The following KCNS2 variants were observed in gnomAD, a reference collection of about 807,000 sequenced individuals.
The protein encoded by KCNS2 is delayed-rectifier potassium channel regulatory subunit KCNS2.
In KCNS2, 15 loss-of-function variants were observed where a neutral mutation model predicts 28.3. The ratio of observed to expected loss-of-function variants is 0.53; its 90% CI spans 0.35 to 0.82. The LOEUF is 0.82. Ranked by LOEUF, KCNS2 falls within the 40% of genes least tolerant of loss-of-function variation. The pLI is 0.01. For missense variants in KCNS2, 501 were observed against 617.1 expected (o/e 0.81, Z 1.99); for synonymous variants, 254 against 256.7 (o/e 0.99, Z 0.10).
rs1446626082 is a variant in KCNS2 at position 98,432,451 on chromosome 8, A to G, written c.*3038A>G. 3 of 167,070 alleles carry G rather than the reference A, an allele frequency of 1.8e-5. No individual in the cohort carries two copies. Among genetic ancestry groups the G allele is most frequent in the Non-Finnish European group, 4.4e-5 (3 of 68,118 alleles). 10.3% of individuals were successfully genotyped at this position (167,070 alleles called of 1,614,324 possible). Reference sequence around the variant, plus strand: ...TCTGTTGCACAAATGCATATTGGTTATAGGTTTGTGTTTTCTGCCAAACCC... The same window carrying G: ...TCTGTTGCACAAATGCATATTGGTTGTAGGTTTGTGTTTTCTGCCAAACCC... On this transcript the variant is annotated 3_prime_UTR_variant, in exon 2 of 2. Coordinates refer to ENST00000287042, the MANE Select transcript of KCNS2 (RefSeq NM_020697.4).
intron 1 of KCNS2, 43 bp from the exon 2 acceptor site, chr8:98,427,895 G>C: frequency 1.6e-6 from 2 of 1,228,616 alleles, no homozygotes; most frequent in Non-Finnish European, 2.2e-6. Context: ...GGCCCCGCCA[G>C]GGCGCACGGC....
Position 98,428,157 on chromosome 8 carries a change from G to A in KCNS2, c.178G>A (p.Asp60Asn). The A allele has an allele frequency of 3.1e-6, 5 of 1,614,058 alleles. No individual in the cohort carries two copies. Among genetic ancestry groups the A allele is most frequent in the Non-Finnish European group, 4.2e-6 (5 of 1,180,020 alleles). ...HSREAILELCDDYDDVQREFY... is the reference protein window; with the variant it reads ...HSREAILELCNDYDDVQREFY... ...GCGCGAGGCCATTCTGGAGCTCTGC[G>A]ATGACTACGACGACGTCCAGCGGGA... The change falls in exon 2 of 2, where the codon GAT becomes AAT. Residue 60 changes from aspartate (D) to asparagine (N), a missense_variant. Physicochemically the swap from Asp to Asn is conservative, Grantham distance 23 (BLOSUM62 1). Coordinates refer to ENST00000287042, the MANE Select transcript of KCNS2 (RefSeq NM_020697.4). The surrounding 1 kb of genome is among the most constrained non-coding windows in gnomAD (Gnocchi z 6.7).
At chr8:98,427,823 G>A (rs1437078792) in intron 1 of KCNS2, 115 bp from the exon 2 acceptor site, 2 of 615,346 alleles carry the variant, frequency 3.3e-6, no homozygotes, top group Non-Finnish European at 5.7e-6. Flanking sequence ...CCCCAGCCCA[G>A]CCCTTCAGCA....
Position 98,427,207 on chromosome 8 carries a change from G to C in KCNS2, c.-165G>C, listed in dbSNP as rs1586556817. 6.6e-6 allele frequency: 1 copy of C among 150,548 alleles called. No homozygotes were observed. The highest frequency in any genetic ancestry group is 2.4e-5 in the African/African-American group (1 of 41,224). The allele number at this position is 150,548 out of a possible 1,614,324, so 9.3% of individuals were successfully genotyped here. A position where few individuals can be genotyped will look rare whatever the true frequency, so the allele number is the denominator to read the frequency against. Reference sequence around the variant, plus strand: ...CTCGGCGGCCCCCGCCCGCCGGCCCGCCGGGCGCACACACTCGCACCCGCG... The same window carrying C: ...CTCGGCGGCCCCCGCCCGCCGGCCCCCCGGGCGCACACACTCGCACCCGCG... On this transcript the variant is annotated 5_prime_UTR_variant, in exon 1 of 2. Coordinates refer to ENST00000287042, the MANE Select transcript of KCNS2 (RefSeq NM_020697.4).
Position 98,429,300 on chromosome 8 carries a change from T to G in KCNS2, c.1321T>G (p.Ser441Ala). The change falls in exon 2 of 2, where the codon TCG becomes GCG. Residue 441 changes from serine to alanine, a missense_variant. Physicochemically the swap from Ser to Ala is moderately conservative, Grantham distance 99. Coordinates refer to ENST00000287042, the MANE Select transcript of KCNS2 (RefSeq NM_020697.4). ...TGGAGATGGAATGAAGGAGGTCCCT[T>G]CGGTCAATTTAAGGGACTATTATGC... ...DFGDGMKEVP[S>A]VNLRDYYAHK... is the part of the protein sequence containing the mutation. 6.2e-7 allele frequency: 1 copy of G among 1,614,152 alleles called. No homozygotes were observed. Among genetic ancestry groups the G allele is most frequent in the Non-Finnish European group, 8.5e-7 (1 of 1,180,034 alleles).
At chr8:98,427,819 C>T (rs918437921) in intron 1 of KCNS2, 119 bp from the exon 2 acceptor site, 11 of 610,904 alleles carry the variant, frequency 1.8e-5, no homozygotes, top group Non-Finnish European at 2.9e-5. Context: ...CTTGCCCCAG[C>T]CCAGCCCTTC....
chr8:98,428,370 G>A lies in KCNS2; in HGVS notation c.391G>A (p.Glu131Lys), dbSNP rs376045564. 2.7e-5 allele frequency: 44 copies of A among 1,614,188 alleles called. No homozygotes were observed. Among genetic ancestry groups the A allele is most frequent in the African/African-American group, 4.0e-5 (3 of 75,058 alleles). ...CTACCATGGCCGCAAAGTAGAGCCC[G>A]AGCAGGAGAAGTGGGACGAGCAGAG... ...YSYHGRKVEP[E>K]QEKWDEQSDQ... Residue 131 changes from glutamate to lysine, a missense_variant, in exon 2 of 2, where the codon GAG becomes AAG. Physicochemically the swap from Glu to Lys is moderately conservative, Grantham distance 56. Transcript: ENST00000287042. This position sits in a 1 kb window ranked among gnomAD's most constrained non-coding sequence, Gnocchi z 6.7.
rs1818297530 is a variant in KCNS2, at chr8:98,429,471, C to A, written c.*58C>A. 1 of 1,274,580 alleles carries A rather than the reference C, an allele frequency of 7.8e-7. No individual in the cohort carries two copies. Among genetic ancestry groups the A allele is most frequent in the Non-Finnish European group, 1.1e-6 (1 of 891,872 alleles). 79.0% of individuals were successfully genotyped at this position (1,274,580 alleles called of 1,614,324 possible). On this transcript the variant is annotated 3_prime_UTR_variant, in exon 2 of 2. Coordinates refer to ENST00000287042, the MANE Select transcript of KCNS2 (RefSeq NM_020697.4). ...GCTGAGCTGCCTCTTGTGCCTCTGG[C>A]ACAGCCCAGGCACCTTATGGTTATG...
chr8:98,429,062 C>T lies in KCNS2; in HGVS notation c.1083C>T (p.Ile361=). The change falls in exon 2 of 2, where the codon ATC becomes ATT. Residue 361 remains isoleucine, a synonymous_variant. Coordinates refer to ENST00000287042, the MANE Select transcript of KCNS2 (RefSeq NM_020697.4). The part of the protein sequence containing the change: ...EKEENEGLAT[I]PACWWWATVS... ...AGGAGAACGAGGGCCTGGCCACCATCCCTGCCTGCTGGTGGTGGGCTACCG... is the reference window on the plus strand; with the variant it reads ...AGGAGAACGAGGGCCTGGCCACCATTCCTGCCTGCTGGTGGTGGGCTACCG... 1.9e-5 allele frequency: 31 copies of T among 1,613,248 alleles called. No individual in the cohort carries two copies. Among genetic ancestry groups the T allele is most frequent in the Non-Finnish European group, 2.6e-5 (31 of 1,179,306 alleles).
In KCNS2 at chr8:98,428,350, A is replaced by G. The variant is rs772878262; in HGVS notation, c.371A>G (p.His124Arg). The G allele has an allele frequency of 2.5e-6, 4 of 1,614,150 alleles. No homozygotes were observed. Among genetic ancestry groups the G allele is most frequent in the Non-Finnish European group, 2.5e-6 (3 of 1,180,020 alleles). The change falls in exon 2 of 2, where the codon CAT becomes CGT. Residue 124 changes from histidine to arginine, a missense_variant. Physicochemically the swap from His to Arg is conservative, Grantham distance 29. Transcript: ENST00000287042. The surrounding 1 kb of genome is among the most constrained non-coding windows in gnomAD (Gnocchi z 6.7). Reference protein sequence around the residue: ...FIDSCCSYSYHGRKVEPEQEK... With the variant: ...FIDSCCSYSYRGRKVEPEQEK... ...GACTCCTGCTGCAGCTACAGCTACC[A>G]TGGCCGCAAAGTAGAGCCCGAGCAG...
chr8:98,428,741 G>T lies in KCNS2; in HGVS notation c.762G>T (p.Lys254Asn). ...TTGCTGTGGCCCCTGACTTCCTCAA[G>T]TTCTTCAAGAATGCCCTAAACCTTA... ...ARFAVAPDFL[K>N]FFKNALNLID... The change falls in exon 2 of 2, where the codon AAG becomes AAT. Residue 254 changes from lysine (K) to asparagine (N), a missense_variant. Physicochemically the swap from Lys to Asn is moderately conservative, Grantham distance 94 (BLOSUM62 0). Coordinates refer to ENST00000287042, the MANE Select transcript of KCNS2 (RefSeq NM_020697.4). This position sits in a 1 kb window ranked among gnomAD's most constrained non-coding sequence, Gnocchi z 6.7. 1 of 1,614,244 alleles carries T rather than the reference G, an allele frequency of 6.2e-7. No individual in the cohort carries two copies. The highest frequency in any genetic ancestry group is 8.5e-7 in the Non-Finnish European group (1 of 1,180,046).
rs1818249418 is a variant in KCNS2 at position 98,427,219 on chromosome 8, C to T, written c.-153C>T. On this transcript the variant is annotated 5_prime_UTR_variant, in exon 1 of 2. Transcript: ENST00000287042. The stretch of plus-strand genomic sequence containing the variant: ...CGCCCGCCGGCCCGCCGGGCGCACA[C>T]ACTCGCACCCGCGCACGCACCGCCA... The T allele has an allele frequency of 6.6e-6, 1 of 150,794 alleles. No individual in the cohort carries two copies. The allele number at this position is 150,794 out of a possible 1,614,324, so 9.3% of individuals were successfully genotyped here. A position where few individuals can be genotyped will look rare whatever the true frequency, so the allele number is the denominator to read the frequency against.
rs769263958 is a variant in KCNS2 at position 98,428,019 on chromosome 8, G to C, written c.40G>C (p.Val14Leu). 27 of 1,597,742 alleles carry C rather than the reference G, an allele frequency of 1.7e-5. No homozygotes were observed. In the South Asian group the frequency reaches 3.0e-4, roughly 18 times the overall value. Residue 14 changes from valine to leucine, a missense_variant, in exon 2 of 2, where the codon GTC becomes CTC. Transcript: ENST00000287042. This position sits in a 1 kb window ranked among gnomAD's most constrained non-coding sequence, Gnocchi z 6.7. The stretch of plus-strand genomic sequence containing the variant: ...CCTGTGGGACGTGTCGGAGGCTAAC[G>C]TCGAGGACGGGGAGATCCGCATCAA... ...QSLWDVSEAN[V>L]EDGEIRINVG...
chr8:98,430,256 G>T lies in KCNS2; in HGVS notation c.*843G>T, dbSNP rs1818308961. The T allele has an allele frequency of 6.0e-6, 1 of 167,070 alleles. No homozygotes were observed. Among genetic ancestry groups the T allele is most frequent in the South Asian group, 2.1e-4 (1 of 4,830 alleles). 10.3% of individuals were successfully genotyped at this position (167,070 alleles called of 1,614,324 possible). A position where few individuals can be genotyped will look rare whatever the true frequency, so the allele number is the denominator to read the frequency against. ...CAGTCAAGCCTCCTTGTTTCCTAGGGTGACTGTAGAGAAATGTATTTCCGG... is the reference window on the plus strand; with the variant it reads ...CAGTCAAGCCTCCTTGTTTCCTAGGTTGACTGTAGAGAAATGTATTTCCGG... On this transcript the variant is annotated 3_prime_UTR_variant, in exon 2 of 2. Transcript: ENST00000287042.
chr8:98,427,712 G>A (rs1372828490), intron 1 of KCNS2: 33 of 279,662 alleles, frequency 1.2e-4, no homozygotes, highest in Non-Finnish European at 2.1e-4. Flanking sequence ...GACCCCGCAC[G>A]CGCAAAGCGC....
chr8:98,428,921 C>T lies in KCNS2; in HGVS notation c.942C>T (p.Gly314=). Residue 314 remains glycine (G), a synonymous_variant, in exon 2 of 2, where the codon GGC becomes GGT. Transcript: ENST00000287042. This position sits in a 1 kb window ranked among gnomAD's most constrained non-coding sequence, Gnocchi z 6.7. ...TAAAGCTGGCCAGGCACTCCACTGG[C>T]CTCCGCTCCCTGGGGGCCACTTTGA... ...RILKLARHST[G]LRSLGATLKY... 1.2e-6 allele frequency: 2 copies of T among 1,614,154 alleles called. No homozygotes were observed. The highest frequency in any genetic ancestry group is 1.7e-6 in the Non-Finnish European group (2 of 1,180,030).
rs1183130669 is a variant in KCNS2, at chr8:98,428,462, C to G, written c.483C>G (p.Phe161Leu). The change falls in exon 2 of 2, where the codon TTC becomes TTG. Residue 161 changes from phenylalanine to leucine, a missense_variant. By Grantham distance (22) the Phe-to-Leu change is conservative. Coordinates refer to ENST00000287042, the MANE Select transcript of KCNS2 (RefSeq NM_020697.4). This position sits in a 1 kb window ranked among gnomAD's most constrained non-coding sequence, Gnocchi z 6.7. The part of the protein sequence containing the change: ...ILAFYNDASK[F>L]DGQPLGNFRR... ...CCTTCTACAACGACGCCTCCAAGTTCGATGGGCAGCCCCTCGGCAACTTCC... is the reference window on the plus strand; with the variant it reads ...CCTTCTACAACGACGCCTCCAAGTTGGATGGGCAGCCCCTCGGCAACTTCC... The G allele has an allele frequency of 1.9e-6, 3 of 1,614,034 alleles. No homozygotes were observed. Among genetic ancestry groups the G allele is most frequent in the Non-Finnish European group, 2.5e-6 (3 of 1,180,054 alleles).
chr8:98,432,404 T>C lies in KCNS2; in HGVS notation c.*2991T>C, dbSNP rs977513463. 1.2e-5 allele frequency: 2 copies of C among 167,072 alleles called. No individual in the cohort carries two copies. The highest frequency in any genetic ancestry group is 6.5e-5 in the Admixed American group (1 of 15,274). 10.3% of individuals were successfully genotyped at this position (167,072 alleles called of 1,614,324 possible). Reference sequence around the variant, plus strand: ...ATATCTGTGATGTGCATTTTGGAAGTGCTGGGTTGGGAAGTGACACGTCTG... The same window carrying C: ...ATATCTGTGATGTGCATTTTGGAAGCGCTGGGTTGGGAAGTGACACGTCTG... On this transcript the variant is annotated 3_prime_UTR_variant, in exon 2 of 2. Transcript: ENST00000287042.
At position 98,428,602 on chromosome 8, in the gene KCNS2, G is replaced by A. The variant is rs1254614285; in HGVS notation, c.623G>A (p.Ser208Asn). ...TCCATCATCACCATGTGCCTCAATAGCCTGCCCGATTTCCAAATCCCTGAC... is the reference window on the plus strand; with the variant it reads ...TCCATCATCACCATGTGCCTCAATAACCTGCCCGATTTCCAAATCCCTGAC... The part of the protein sequence containing the change: ...MGSIITMCLN[S>N]LPDFQIPDSQ... Residue 208 changes from serine (S) to asparagine (N), a missense_variant, in exon 2 of 2, where the codon AGC becomes AAC. Ser to Asn is a conservative substitution (Grantham distance 46, BLOSUM62 1). Coordinates refer to ENST00000287042, the MANE Select transcript of KCNS2 (RefSeq NM_020697.4). This position sits in a 1 kb window ranked among gnomAD's most constrained non-coding sequence, Gnocchi z 6.7. 1 of 1,614,140 alleles carries A rather than the reference G, an allele frequency of 6.2e-7. No homozygotes were observed. The highest frequency in any genetic ancestry group is 1.1e-5 in the South Asian group (1 of 91,080).
Sources: allele counts gnomAD v4.1 joint callset, GRCh38; gene constraint gnomAD v4.1.1; non-coding constraint Gnocchi (gnomAD v3.1); transcripts MANE v1.5; gene names NCBI Gene and HGNC (gene_info 2026-07-23, HGNC 2026-07-21).